MAP3K9: variants seen among roughly 807,000 people sequenced by gnomAD.
MAP3K9 encodes the protein mixed lineage kinase 1 (tyr and ser/thr specificity).
A neutral mutation model predicts 95.8 loss-of-function variants in MAP3K9; 46 were observed. That is an observed-to-expected ratio of 0.48 (90% CI 0.38 to 0.61). The LOEUF (loss-of-function observed/expected upper bound fraction) is 0.61, where lower values mean the gene tolerates loss of function less well. Ranked by LOEUF, MAP3K9 falls within the 20% of genes least tolerant of loss-of-function variation. The pLI is 0.00. For missense variants in MAP3K9, 1,296 were observed against 1,474.3 expected, an observed-to-expected ratio of 0.88 and a Z score of 1.98; for synonymous variants, 533 against 593.8, an observed-to-expected ratio of 0.90 and a Z score of 1.49.
At chr14:70,790,023 C>T (rs1034609742) in intron 2 of MAP3K9, among the ~76,000 whole-genome samples, 7 of 152,148 alleles carry the variant, frequency 4.6e-5, no homozygotes, top group Non-Finnish European at 7.3e-5. Flanking sequence ...CCAGGATGCC[C>T]CTTGCTTAGC....
At chr14:70,763,532 T>A (rs1457078325) in intron 2 of MAP3K9, among the ~76,000 whole-genome samples, 1 of 110,212 alleles carries the variant, frequency 9.1e-6, no homozygotes, top group African/African-American at 3.4e-5. Context: ...TTTATGTATT[T>A]ACTTTTTTTT....
chr14:70,751,516 C>T (rs1566741463), intron 3 of MAP3K9, among the ~76,000 whole-genome samples: 1 of 152,130 alleles, frequency 6.6e-6, no homozygotes, highest in Non-Finnish European at 1.5e-5. Context: ...GTCAGGAGTT[C>T]AAGACCAGCC....
rs551542312 is a variant in MAP3K9 at position 70,748,849 on chromosome 14, G to C, written c.1306C>G (p.Gln436Glu). The C allele has an allele frequency of 1.9e-6, 3 of 1,612,088 alleles. No homozygotes were observed. Among genetic ancestry groups the C allele is most frequent in the South Asian group, 2.2e-5 (2 of 90,648 alleles). The part of the protein sequence containing the change: ...WKHEIQEMFD[Q>E]LRAKEKELRT... ...TTTACCTTTTCTTTGGCCCTGAGTT[G>C]GTCAAACATCTCCTGAATCTCGTGT... Residue 436 changes from glutamine (Q) to glutamate (E), a missense_variant, in exon 5 of 12, where the codon CAA becomes GAA. Physicochemically the swap from Gln to Glu is conservative, Grantham distance 29 (BLOSUM62 2). Coordinates refer to ENST00000554752, the MANE Select transcript of MAP3K9 (RefSeq NM_001284230.2).
At chr14:70,788,577 T>G (rs1252275313) in intron 2 of MAP3K9, among the ~76,000 whole-genome samples, 1 of 152,200 alleles carries the variant, frequency 6.6e-6, no homozygotes, top group Non-Finnish European at 1.5e-5. Flanking sequence ...ACAGTTCACA[T>G]GGGCTCATCC....
At position 70,734,352 on chromosome 14, in the gene MAP3K9, G is replaced by A. The variant is rs762477476; in HGVS notation, c.2026+34C>T. The A allele has an allele frequency of 4.7e-6, 7 of 1,478,184 alleles. No homozygotes were observed. The East Asian group carries it at 1.6e-4, about 33-fold the overall frequency. The allele number at this position is 1,478,184 out of a possible 1,614,324, so 91.6% of individuals were successfully genotyped here. ...CAAGAATGCCCCCAGGGAGCAGGGA[G>A]ACAGCCAAGACTCTCAAGAGGAGCT... On this transcript the variant is annotated intron_variant, in intron 10 of 11. Coordinates refer to ENST00000554752, the MANE Select transcript of MAP3K9 (RefSeq NM_001284230.2).
At chr14:70,741,641 C>T (rs2139730731) in intron 6 of MAP3K9, among the ~76,000 whole-genome samples, 1 of 152,252 alleles carries the variant, frequency 6.6e-6, no homozygotes, top group African/African-American at 2.4e-5. Flanking sequence ...CATGTAAATT[C>T]TCATACATTA....
intron 11 of MAP3K9, 22 bp from the exon 12 acceptor site, chr14:70,730,886 G>A: frequency 6.3e-7 from 1 of 1,585,484 alleles, no homozygotes; most frequent in East Asian, 2.3e-5. Context: ...GACAAAAGGA[G>A]AAGCATCAGA....
intron 2 of MAP3K9, among the ~76,000 whole-genome samples, chr14:70,794,990 C>CATTTT (rs1555372617): frequency 1.3e-5 from 1 of 76,800 alleles, no homozygotes; most frequent in African/African-American, 5.3e-5. Flanking sequence ...TTTTCTTTTC[C>CATTTT]TTTTTTTTTT....
Position 70,732,701 on chromosome 14 carries a change from G to A in MAP3K9, c.2668C>T (p.Arg890Ter), listed in dbSNP as rs1202188625. 6 of 1,601,482 alleles carry A rather than the reference G, an allele frequency of 3.7e-6. No homozygotes were observed. The highest frequency in any genetic ancestry group is 4.5e-5 in the East Asian group (2 of 44,602). The change falls in exon 11 of 12, where the codon CGA (arginine) becomes TGA (stop). Residue 890 changes from arginine (R) to a stop codon, truncating the protein, a stop_gained. Coordinates refer to ENST00000554752, the MANE Select transcript of MAP3K9 (RefSeq NM_001284230.2). LOFTEE classifies it high-confidence loss of function. ...GGAGTCAGAGATTGGTTAGGATCTCGTTTGAAGCGCTCTACTCGGACATTG... is the reference window on the plus strand; with the variant it reads ...GGAGTCAGAGATTGGTTAGGATCTCATTTGAAGCGCTCTACTCGGACATTG... ...LVNVRVERFK[R>*]DPNQSLTPTH...
chr14:70,798,471 GTTTTTTTTTT>G lies in MAP3K9; in HGVS notation c.820+2186_820+2195del, dbSNP rs1170327816. Among the ~76,000 whole-genome samples the G allele has an allele frequency of 1.1e-4, 7 of 65,434 alleles. 1 individual carries two copies. The South Asian group carries it at 2.8e-3, about 26-fold the overall frequency. 42.9% of individuals were successfully genotyped at this position (65,434 alleles called of 152,430 possible). The stretch of plus-strand genomic sequence containing the variant: ...TTACTTTGAAAAGAGGTCACCAAAA[GTTTTTTTTTT>G]TTTTTTTTTTTTTTTGAGACGGAGT... On this transcript the variant is annotated intron_variant, in intron 2 of 11. Coordinates refer to ENST00000554752, the MANE Select transcript of MAP3K9 (RefSeq NM_001284230.2).
intron 3 of MAP3K9, among the ~76,000 whole-genome samples, chr14:70,760,548 C>A (rs996250972): frequency 2.0e-5 from 3 of 152,108 alleles, no homozygotes; most frequent in African/African-American, 7.2e-5. Flanking sequence ...CGAGATTGCA[C>A]AAAGAACATT....
chr14:70,781,454 A>G (rs1170983817), intron 2 of MAP3K9, among the ~76,000 whole-genome samples: 1 of 152,192 alleles, frequency 6.6e-6, no homozygotes, highest in Non-Finnish European at 1.5e-5. Flanking sequence ...GCCATCCCTA[A>G]TGAGCTCTTT....
At chr14:70,732,391 G>C (rs2053917021) in intron 11 of MAP3K9, 148 bp downstream of exon 11, 1 of 1,257,780 alleles carries the variant, frequency 8.0e-7, no homozygotes, top group South Asian at 2.3e-5. Flanking sequence ...CTGCCTCCCT[G>C]ATCCCAGATC....
intron 2 of MAP3K9, among the ~76,000 whole-genome samples, chr14:70,767,669 A>G (rs139939889): frequency 5.4e-4 from 82 of 152,248 alleles, no homozygotes; most frequent in African/African-American, 1.9e-3. Context: ...TTCGCCTTCT[A>G]TAAGGAAAGA....
chr14:70,747,662 C>G (rs553546370), intron 5 of MAP3K9, among the ~76,000 whole-genome samples: 10 of 152,248 alleles, frequency 6.6e-5, no homozygotes, highest in Admixed American at 1.3e-4. Context: ...ATAATAACAC[C>G]TGGCCTACAT....
At chr14:70,760,619 T>C (rs755408982) in intron 3 of MAP3K9, among the ~76,000 whole-genome samples, 161 of 152,218 alleles carry the variant, frequency 1.1e-3, no homozygotes, top group Non-Finnish European at 2.0e-3. Context: ...AGTTCAGCAG[T>C]AACAGCCACG....
intron 11 of MAP3K9, 45 bp downstream of exon 11, chr14:70,732,494 G>A: frequency 6.6e-7 from 1 of 1,510,222 alleles, no homozygotes; most frequent in East Asian, 2.3e-5. Context: ...TTCACTCCCT[G>A]AGGAGGCACA....
intron 2 of MAP3K9, among the ~76,000 whole-genome samples, chr14:70,765,286 C>T (rs1172962634): frequency 6.6e-6 from 1 of 152,168 alleles, no homozygotes; most frequent in Non-Finnish European, 1.5e-5. Flanking sequence ...GCCACGATTG[C>T]ACCACTGCAC....
intron 1 of MAP3K9, among the ~76,000 whole-genome samples, chr14:70,808,541 G>A (rs542535661): frequency 2.2e-4 from 34 of 152,240 alleles, no homozygotes; most frequent in African/African-American, 7.9e-4. Context: ...CCAACTGAAG[G>A]TGAAGAAGCC....
Sources: allele counts gnomAD v4.1 joint callset (sites outside exome capture counted in the v4.1 genomes callset), GRCh38; gene constraint gnomAD v4.1.1; transcripts MANE v1.5; gene names NCBI Gene and HGNC (gene_info 2026-07-23, HGNC 2026-07-21).